Variants in IMMP2L observed in about 807,000 individuals in gnomAD.
IMMP2L encodes the protein mitochondrial inner membrane protease subunit 2.
A neutral mutation model predicts 19.3 loss-of-function variants in IMMP2L; 18 were observed. The ratio of observed to expected loss-of-function variants is 0.93; its 90% CI spans 0.64 to 1.38. The LOEUF is 1.38. Among genes scored for constraint, IMMP2L ranks in the 40% most tolerant of loss-of-function variants. The pLI is 0.00. For missense variants in IMMP2L, 233 were observed against 218.2 expected (o/e 1.07, Z -0.43); for synonymous variants, 76 against 73.0 (o/e 1.04, Z -0.21).
chr7:111,100,519 A>G (rs925898735), intron 3 of IMMP2L, among the ~76,000 whole-genome samples: 7 of 149,424 alleles, frequency 4.7e-5, no homozygotes, highest in Non-Finnish European at 4.5e-5. Flanking sequence ...GTTTTACCAC[A>G]TGGTACAACC....
chr7:110,970,381 T>C (rs1353849117), intron 3 of IMMP2L, among the ~76,000 whole-genome samples: 3 of 152,108 alleles, frequency 2.0e-5, no homozygotes, highest in Non-Finnish European at 4.4e-5. Flanking sequence ...TGTAAATGAA[T>C]ATATACAGCA....
At chr7:110,995,806 C>T (rs1176104477) in intron 3 of IMMP2L, among the ~76,000 whole-genome samples, 1 of 152,106 alleles carries the variant, frequency 6.6e-6, no homozygotes, top group African/African-American at 2.4e-5. Flanking sequence ...AAAAGAATCA[C>T]AAGTTGCATG....
chr7:111,192,719 A>G (rs1809026751), intron 3 of IMMP2L, among the ~76,000 whole-genome samples: 2 of 152,122 alleles, frequency 1.3e-5, no homozygotes, highest in African/African-American at 4.8e-5. Context: ...TGGCAGGTTA[A>G]TCAAAGAAAG....
intron 3 of IMMP2L, among the ~76,000 whole-genome samples, chr7:111,014,506 T>A (rs1585751290): frequency 6.6e-6 from 1 of 152,270 alleles, no homozygotes; most frequent in South Asian, 2.1e-4. Context: ...AAGTTGACTA[T>A]TTAAAAGGCT....
At chr7:111,261,413 A>G (rs988527624) in intron 3 of IMMP2L, among the ~76,000 whole-genome samples, 1 of 152,112 alleles carries the variant, frequency 6.6e-6, no homozygotes, top group Non-Finnish European at 1.5e-5. Flanking sequence ...GTCTTGTATG[A>G]CCAAGTCAGA....
intron 3 of IMMP2L, among the ~76,000 whole-genome samples, chr7:111,047,385 T>C (rs185191305): frequency 1.3e-5 from 2 of 152,072 alleles, no homozygotes; most frequent in African/African-American, 4.8e-5. Context: ...AAGGGGTTTC[T>C]CCATGTTGGT....
At chr7:111,291,728 A>C (rs1016348491) in intron 3 of IMMP2L, among the ~76,000 whole-genome samples, 2 of 152,158 alleles carry the variant, frequency 1.3e-5, no homozygotes, top group African/African-American at 4.8e-5. Flanking sequence ...GCATATTTCA[A>C]AATTACTAAA....
At chr7:111,159,304 T>C (rs1586624413) in intron 3 of IMMP2L, among the ~76,000 whole-genome samples, 1 of 151,984 alleles carries the variant, frequency 6.6e-6, no homozygotes, top group Non-Finnish European at 1.5e-5. Context: ...TTAGTAGAGA[T>C]GGGGTTTCAC....
intron 3 of IMMP2L, among the ~76,000 whole-genome samples, chr7:111,385,047 T>C (rs562164104): frequency 2.6e-5 from 4 of 152,274 alleles, no homozygotes; most frequent in Non-Finnish European, 5.9e-5. Flanking sequence ...TTTTGTGCAA[T>C]GCACTGGGAT....
chr7:111,310,692 T>A (rs369414960), intron 3 of IMMP2L, among the ~76,000 whole-genome samples: 7 of 152,180 alleles, frequency 4.6e-5, no homozygotes, highest in African/African-American at 1.4e-4. Flanking sequence ...AGATTTTACA[T>A]CGCCCTGACA....
At chr7:110,721,607 G>A (rs948684918) in intron 5 of IMMP2L, among the ~76,000 whole-genome samples, 1 of 152,024 alleles carries the variant, frequency 6.6e-6, no homozygotes, top group Non-Finnish European at 1.5e-5. Context: ...TGCTGACTCT[G>A]ATTTGATTAT....
chr7:111,216,386 T>C (rs1434183757), intron 3 of IMMP2L, among the ~76,000 whole-genome samples: 7 of 152,190 alleles, frequency 4.6e-5, no homozygotes, highest in Non-Finnish European at 7.4e-5. Flanking sequence ...ATTTTAGTTT[T>C]GGAATATATT....
At chr7:111,109,941 C>T (rs182019415) in intron 3 of IMMP2L, among the ~76,000 whole-genome samples, 1 of 152,204 alleles carries the variant, frequency 6.6e-6, no homozygotes, top group Admixed American at 6.5e-5. Flanking sequence ...CAAGACCGGC[C>T]TGATCAATAT....
chr7:111,393,067 C>A (rs578066999), intron 3 of IMMP2L, among the ~76,000 whole-genome samples: 1 of 152,020 alleles, frequency 6.6e-6, no homozygotes, highest in Admixed American at 6.6e-5. Context: ...CCTTTGCCCT[C>A]CCCAGAGGTT....
intron 3 of IMMP2L, among the ~76,000 whole-genome samples, chr7:111,201,434 C>T (rs1269495502): frequency 1.3e-5 from 2 of 152,110 alleles, no homozygotes; most frequent in Admixed American, 6.6e-5. Context: ...GAGGTGGAGC[C>T]TCTGGGCACA....
intron 5 of IMMP2L, among the ~76,000 whole-genome samples, chr7:110,832,130 C>T (rs938921079): frequency 2.0e-5 from 3 of 152,018 alleles, no homozygotes; most frequent in South Asian, 2.1e-4. Flanking sequence ...GGTGTGGTGG[C>T]GTGTGCCTGT....
intron 3 of IMMP2L, among the ~76,000 whole-genome samples, chr7:111,414,838 A>C (rs1372024722): frequency 6.6e-6 from 1 of 151,672 alleles, no homozygotes; most frequent in African/African-American, 2.4e-5. Flanking sequence ...AAAAAAACAC[A>C]TTTTCAAATT....
intron 3 of IMMP2L, among the ~76,000 whole-genome samples, chr7:111,448,990 T>A (rs1319719527): frequency 1.3e-5 from 2 of 149,664 alleles, no homozygotes; most frequent in Non-Finnish European, 3.0e-5. Flanking sequence ...ACACATACAC[T>A]CTCCCAAGAC....
intron 3 of IMMP2L, among the ~76,000 whole-genome samples, chr7:110,981,892 G>A (rs1821344670): frequency 6.6e-6 from 1 of 151,924 alleles, no homozygotes; most frequent in South Asian, 2.1e-4. Context: ...GTCAAGACAA[G>A]TGTCTTCAAA....
Sources: allele counts gnomAD v4.1 joint callset (sites outside exome capture counted in the v4.1 genomes callset), GRCh38; gene constraint gnomAD v4.1.1; transcripts MANE v1.5; gene names NCBI Gene and HGNC (gene_info 2026-07-23, HGNC 2026-07-21).